The following CACNA1G variants were observed in gnomAD, a reference collection of about 807,000 sequenced individuals.
The protein encoded by CACNA1G is calcium voltage-gated channel subunit alpha1 G.
In CACNA1G, 67 loss-of-function variants were observed where a neutral mutation model predicts 219.4. The observed-to-expected ratio is 0.31, with a 90% CI of 0.25 to 0.37. The LOEUF is 0.37. CACNA1G is among the 10% of genes least tolerant of loss of function. The pLI is 1.00. For synonymous variants in CACNA1G, 1,296 were observed against 1,345.3 expected, an observed-to-expected ratio of 0.96 and a Z score of 0.80; for missense variants, 2,380 against 3,231.4, an observed-to-expected ratio of 0.74 and a Z score of 6.39.
Position 50,627,365 on chromosome 17 carries a change from G to GA in CACNA1G, c.*620dup. The GA allele has an allele frequency of 2.5e-6, 1 of 392,898 alleles. No individual in the cohort carries two copies. The highest frequency in any genetic ancestry group is 4.9e-6 in the Non-Finnish European group (1 of 203,196). The allele number at this position is 392,898 out of a possible 1,614,324, so 24.3% of individuals were successfully genotyped here. A position where few individuals can be genotyped will look rare whatever the true frequency, so the allele number is the denominator to read the frequency against. On this transcript the variant is annotated 3_prime_UTR_variant, in exon 38 of 38. Transcript: ENST00000359106. ...TCTGTAGGGAAAAAAAAAAGAAAAAGAAAAAATGAGATTTTACAAGTGAAA... is the reference window on the plus strand; with the variant it reads ...TCTGTAGGGAAAAAAAAAAGAAAAAGAAAAAAATGAGATTTTACAAGTGAAA...
intron 9 of CACNA1G, among the ~76,000 whole-genome samples, chr17:50,583,408 G>A (rs376865383): frequency 7.2e-5 from 11 of 152,306 alleles, no homozygotes; most frequent in African/African-American, 2.6e-4. Flanking sequence ...CATATCCTGT[G>A]CACAGCACAC....
Position 50,603,259 on chromosome 17 carries a change from TC to T in CACNA1G, c.4169+63del, listed in dbSNP as rs2047146462. 5.6e-6 allele frequency: 8 copies of T among 1,433,488 alleles called. No homozygotes were observed. The highest frequency in any genetic ancestry group is 7.6e-6 in the Non-Finnish European group (8 of 1,053,656). 88.8% of individuals were successfully genotyped at this position (1,433,488 alleles called of 1,614,324 possible). A position where few individuals can be genotyped will look rare whatever the true frequency, so the allele number is the denominator to read the frequency against. On this transcript the variant is annotated intron_variant, in intron 21 of 37. Transcript: ENST00000359106. The surrounding 1 kb of genome is among the most constrained non-coding windows in gnomAD (Gnocchi z 6.4). The stretch of plus-strand genomic sequence containing the variant: ...AGGTGGCCCCCTCCGCAGGGACATC[TC>T]CCACCGCCAGCACTCCCTGCCACGA...
At chr17:50,625,008 A>G (rs2053350889) in intron 37 of CACNA1G, among the ~76,000 whole-genome samples, 1 of 138,826 alleles carries the variant, frequency 7.2e-6, no homozygotes, top group South Asian at 2.3e-4. Flanking sequence ...GCTGGAGTGC[A>G]ATGGCACAAT....
intron 35 of CACNA1G, among the ~76,000 whole-genome samples, chr17:50,623,263 ATTTTTTTTTTTTTTTT>A (rs35058899): frequency 7.8e-5 from 4 of 50,978 alleles, no homozygotes; most frequent in Admixed American, 3.1e-4. Flanking sequence ...TATCCAGCTA[ATTTTTTTTTTTTTTTT>A]TTTTTTTTTT....
rs1427137541 is a variant in CACNA1G, at chr17:50,621,216, G to C, written c.5926-444G>C. On this transcript the variant is annotated intron_variant, in intron 34 of 37. Transcript: ENST00000359106. The surrounding 1 kb of genome is among the most constrained non-coding windows in gnomAD (Gnocchi z 4.6). ...CATTGTCGCCGGCGCCCCCCGTGCC[G>C]CTCTGTCTGTGCCGGGAGGAGAGAC... is the stretch of plus-strand genomic sequence containing the variant. Among the ~76,000 whole-genome samples, 1 of 152,136 alleles carries C rather than the reference G, an allele frequency of 6.6e-6. No individual in the cohort carries two copies. Among genetic ancestry groups the C allele is most frequent in the African/African-American group, 2.4e-5 (1 of 41,426 alleles).
chr17:50,618,987 C>T lies in CACNA1G; in HGVS notation c.5760C>T (p.His1920=). Residue 1920 remains histidine (H), a synonymous_variant, in exon 33 of 38, where the codon CAC becomes CAT. Coordinates refer to ENST00000359106, the MANE Select transcript of CACNA1G (RefSeq NM_018896.5). The surrounding 1 kb of genome is among the most constrained non-coding windows in gnomAD (Gnocchi z 5.3). The part of the protein sequence containing the change: ...HPAAHARSAS[H]FSLEHPTDRQ... ...CGGCCCACGCGAGATCAGCCTCCCA[C>T]TTTTCCCTGGAGCACCCCACGGTGA... The T allele has an allele frequency of 6.5e-7, 1 of 1,535,024 alleles. No individual in the cohort carries two copies. The highest frequency in any genetic ancestry group is 8.8e-7 in the Non-Finnish European group (1 of 1,142,048).
intron 9 of CACNA1G, among the ~76,000 whole-genome samples, chr17:50,587,543 C>T (rs974523229): frequency 5.3e-5 from 8 of 152,242 alleles, no homozygotes; most frequent in African/African-American, 1.4e-4. Context: ...TTGGACAGAC[C>T]TGGCTATCTG....
Position 50,572,781 on chromosome 17 carries a change from C to T in CACNA1G, c.974C>T (p.Ala325Val), listed in dbSNP as rs965460888. Residue 325 changes from alanine to valine, a missense_variant, in exon 6 of 38, where the codon GCG (alanine) becomes GTG (valine). Transcript: ENST00000359106. ...AACCAGTACTACACCAACTGCTCAG[C>T]GGGGGAGCACAACCCCTTCAAGGGC... ...NWNQYYTNCSAGEHNPFKGAI... is the reference protein window; with the variant it reads ...NWNQYYTNCSVGEHNPFKGAI... The T allele has an allele frequency of 6.2e-6, 10 of 1,613,880 alleles. No individual in the cohort carries two copies. The highest frequency in any genetic ancestry group is 1.7e-5 in the Admixed American group (1 of 60,010).
At position 50,575,800 on chromosome 17, in the gene CACNA1G, C is replaced by T. The variant is rs777480938; in HGVS notation, c.1398C>T (p.Ser466=). 8 of 1,552,404 alleles carry T rather than the reference C, an allele frequency of 5.2e-6. No homozygotes were observed. The Admixed American group carries it at 9.8e-5, about 19-fold the overall frequency. ...RAAGVRVGLL[S]SPAPLGGQET... ...CAGGTGTGCGGGTTGGGCTGCTCAG[C>T]AGCCCAGCACCCCTCGGGGGCCAGG... is the stretch of plus-strand genomic sequence containing the variant. The change falls in exon 8 of 38, where the codon AGC becomes AGT. Residue 466 remains serine (S), a synonymous_variant. Transcript: ENST00000359106.
chr17:50,568,518 G>A (rs1234172093), intron 1 of CACNA1G, among the ~76,000 whole-genome samples: 2 of 152,210 alleles, frequency 1.3e-5, no homozygotes, highest in African/African-American at 2.4e-5. Context: ...CTGTGAGGTA[G>A]GGAGAATAGG....
chr17:50,618,567 A>G lies in CACNA1G; in HGVS notation c.5428-88A>G. 2.7e-6 allele frequency: 3 copies of G among 1,123,950 alleles called. No individual in the cohort carries two copies. Among genetic ancestry groups the G allele is most frequent in the Non-Finnish European group, 3.9e-6 (3 of 767,842 alleles). 69.6% of individuals were successfully genotyped at this position (1,123,950 alleles called of 1,614,324 possible). A position where few individuals can be genotyped will look rare whatever the true frequency, so the allele number is the denominator to read the frequency against. ...TCCTCCCCTTCCTTCCCATCCTCCA[A>G]TGCTCTGTGACACCAGTGACCTGAT... On this transcript the variant is annotated intron_variant, in intron 32 of 37. Transcript: ENST00000359106. The surrounding 1 kb of genome is among the most constrained non-coding windows in gnomAD (Gnocchi z 5.3).
In CACNA1G at chr17:50,596,990, T is replaced by C. The variant is rs1248288399; in HGVS notation, c.3258+67T>C. On this transcript the variant is annotated intron_variant, in intron 16 of 37. Coordinates refer to ENST00000359106, the MANE Select transcript of CACNA1G (RefSeq NM_018896.5). The surrounding 1 kb of genome is among the most constrained non-coding windows in gnomAD (Gnocchi z 4.8). Reference sequence around the variant, plus strand: ...CAAGGAGGACAGGAGGAAGAGAGGATGGAGGCAGGCGGGTCCAAGGGCACA... The same window carrying C: ...CAAGGAGGACAGGAGGAAGAGAGGACGGAGGCAGGCGGGTCCAAGGGCACA... 1 of 1,401,380 alleles carries C rather than the reference T, an allele frequency of 7.1e-7. No homozygotes were observed. The highest frequency in any genetic ancestry group is 9.5e-7 in the Non-Finnish European group (1 of 1,052,060). 86.8% of individuals were successfully genotyped at this position (1,401,380 alleles called of 1,614,324 possible).
Position 50,578,875 on chromosome 17 carries a change from C to T in CACNA1G, c.2301+311C>T, listed in dbSNP as rs993426944. 3.3e-5 allele frequency among the ~76,000 whole-genome samples: 5 copies of T among 152,070 alleles called. No individual in the cohort carries two copies. Among genetic ancestry groups the T allele is most frequent in the South Asian group, 2.1e-4 (1 of 4,818 alleles). ...GTGAGCATCAGCATGTGGGGAGAGG[C>T]GCGTCACTGGGAGATGTTTGGGTCT... On this transcript the variant is annotated intron_variant, in intron 9 of 37. Transcript: ENST00000359106. The surrounding 1 kb of genome is among the most constrained non-coding windows in gnomAD (Gnocchi z 4.5).
chr17:50,576,255 C>T lies in CACNA1G; in HGVS notation c.1853C>T (p.Thr618Ile). 6.3e-7 allele frequency: 1 copy of T among 1,593,934 alleles called. No homozygotes were observed. The highest frequency in any genetic ancestry group is 8.5e-7 in the Non-Finnish European group (1 of 1,171,156). Residue 618 changes from threonine to isoleucine, a missense_variant, in exon 8 of 38, where the codon ACC becomes ATC. Physicochemically the swap from Thr to Ile is moderately conservative, Grantham distance 89. Transcript: ENST00000359106. ...VEVAASSGPP[T>I]LTSLNIPPGP... ...GTGGCTGCCAGCTCTGGGCCCCCAA[C>T]CCTCACCAGCCTCAACATCCCACCC...
In CACNA1G at chr17:50,599,589, G is replaced by A. The variant is rs2046209713; in HGVS notation, c.3420G>A (p.Gln1140=). The A allele has an allele frequency of 6.2e-7, 1 of 1,613,248 alleles. No homozygotes were observed. Among genetic ancestry groups the A allele is most frequent in the Non-Finnish European group, 8.5e-7 (1 of 1,179,634 alleles). ...TGTCGGGAGAAGGCCAGGAGAGCCAGGATGAAGAGGAGAGCTCAGAAGAGG... is the reference window on the plus strand; with the variant it reads ...TGTCGGGAGAAGGCCAGGAGAGCCAAGATGAAGAGGAGAGCTCAGAAGAGG... The part of the protein sequence containing the change: ...SLLSGEGQES[Q]DEEESSEEER... The change falls in exon 17 of 38, where the codon CAG becomes CAA. Residue 1140 remains glutamine (Q), a synonymous_variant. Coordinates refer to ENST00000359106, the MANE Select transcript of CACNA1G (RefSeq NM_018896.5).
At chr17:50,613,247 A>C (rs1376878419) in intron 26 of CACNA1G, among the ~76,000 whole-genome samples, 1 of 152,096 alleles carries the variant, frequency 6.6e-6, no homozygotes, top group Non-Finnish European at 1.5e-5. Context: ...GCCCGAGGAG[A>C]TGCTGATCAG....
chr17:50,601,303 T>C, intron 19 of CACNA1G, 129 bp downstream of exon 19: 1 of 1,117,460 alleles, frequency 8.9e-7, no homozygotes, highest in South Asian at 1.6e-5. Context: ...GCCAGGACTC[T>C]CCTTTAGGTC....
chr17:50,600,173 C>T lies in CACNA1G; in HGVS notation c.3690+314C>T, dbSNP rs534880963. Among the ~76,000 whole-genome samples the T allele has an allele frequency of 2.6e-5, 4 of 152,322 alleles. No homozygotes were observed. The East Asian group carries it at 7.7e-4, about 29-fold the overall frequency. ...AAGACCCATCACTCATCTCTCCAAA[C>T]TGATGCCCCGCATCCCCCTTTCTCG... On this transcript the variant is annotated intron_variant, in intron 17 of 37. Coordinates refer to ENST00000359106, the MANE Select transcript of CACNA1G (RefSeq NM_018896.5). This position sits in a 1 kb window ranked among gnomAD's most constrained non-coding sequence, Gnocchi z 4.1.
At chr17:50,606,768 T>C in intron 23 of CACNA1G, 132 bp from the exon 24 acceptor site, 1 of 689,578 alleles carries the variant, frequency 1.5e-6, no homozygotes. Context: ...GAGCCTGGAG[T>C]GTGACTCCAG....
Sources: gnomAD v4.1 joint callset for allele counts (sites outside exome capture counted in the v4.1 genomes callset) on GRCh38, gnomAD v4.1.1 for gene constraint, Gnocchi (gnomAD v3.1) non-coding constraint, MANE v1.5 for transcripts, NCBI Gene and HGNC (gene_info 2026-07-23, HGNC 2026-07-21) for gene names.